TLL1: variants seen among roughly 807,000 people sequenced by gnomAD.
The protein encoded by TLL1 is tolloid-like protein 1.
TLL1 carries 49 observed loss-of-function variants against 128.2 expected under a neutral mutation model. The ratio of observed to expected loss-of-function variants is 0.38; its 90% CI spans 0.30 to 0.48. The LOEUF is 0.48. Ranked by LOEUF, TLL1 falls within the 20% of genes least tolerant of loss-of-function variation. The probability of loss-of-function intolerance (pLI) is 0.96; values close to 1 mark genes in which losing one functional copy is unlikely to be tolerated. For synonymous variants in TLL1, 454 were observed against 418.8 expected, an observed-to-expected ratio of 1.08 and a Z score of -1.03; for missense variants, 1,123 against 1,242.0, an observed-to-expected ratio of 0.90 and a Z score of 1.44.
chr4:166,066,586 A>G (rs1740585285), intron 16 of TLL1, among the ~76,000 whole-genome samples: 1 of 151,694 alleles, frequency 6.6e-6, no homozygotes, highest in Non-Finnish European at 1.5e-5. Context: ...CTGAATTCCA[A>G]TTATGTTTTA....
At position 166,057,189 on chromosome 4, in the gene TLL1, G is replaced by A. The variant is rs1740056048; in HGVS notation, c.1726G>A (p.Asp576Asn). ...GFAANFFKEEDECAKPDRGGC... is the reference protein window; with the variant it reads ...GFAANFFKEENECAKPDRGGC... Reference sequence around the variant, plus strand: ...AACTATGACCATTTTCATAGAGGAAGATGAGTGTGCCAAACCTGACCGTGG... The same window carrying A: ...AACTATGACCATTTTCATAGAGGAAAATGAGTGTGCCAAACCTGACCGTGG... Residue 576 changes from aspartate (D) to asparagine (N), a missense_variant, in exon 14 of 21, where the codon GAT (aspartate) becomes AAT (asparagine). This residue lies in a region of TLL1 where 634 missense variants were observed against 672.4 expected (regional missense o/e 0.94). Coordinates refer to ENST00000061240, the MANE Select transcript of TLL1 (RefSeq NM_012464.5). 2 of 1,613,704 alleles carry A rather than the reference G, an allele frequency of 1.2e-6. No homozygotes were observed. The highest frequency in any genetic ancestry group is 2.7e-5 in the African/African-American group (2 of 74,854).
At chr4:165,889,968 A>C (rs771743495) in intron 1 of TLL1, among the ~76,000 whole-genome samples, 1 of 152,156 alleles carries the variant, frequency 6.6e-6, no homozygotes, top group South Asian at 2.1e-4. Context: ...TAAAGGAAAG[A>C]GGTTTAATTG....
At chr4:165,906,037 A>C (rs77170217) in intron 1 of TLL1, among the ~76,000 whole-genome samples, 1 of 152,108 alleles carries the variant, frequency 6.6e-6, no homozygotes, top group African/African-American at 2.4e-5. Flanking sequence ...TCAGCAAACT[A>C]AGGCCCGATG....
intron 9 of TLL1, among the ~76,000 whole-genome samples, chr4:166,026,365 C>G (rs1018737346): frequency 4.6e-5 from 7 of 150,880 alleles, no homozygotes; most frequent in South Asian, 2.1e-4. Flanking sequence ...TGCACTCCAG[C>G]CTGGGTGACA....
At chr4:166,057,138 C>A in intron 13 of TLL1, 46 bp from the exon 14 acceptor site, 1 of 1,603,458 alleles carries the variant, frequency 6.2e-7, no homozygotes, top group Non-Finnish European at 8.5e-7. Context: ...CATACATACA[C>A]ACATATATAT....
At chr4:166,009,853 C>CAA (rs1409954818) in intron 7 of TLL1, among the ~76,000 whole-genome samples, 1 of 151,150 alleles carries the variant, frequency 6.6e-6, no homozygotes, top group Non-Finnish European at 1.5e-5. Flanking sequence ...AATTTACTGT[C>CAA]CTAACCATTT....
At chr4:166,073,822 T>C (rs1414457674) in intron 16 of TLL1, among the ~76,000 whole-genome samples, 1 of 152,116 alleles carries the variant, frequency 6.6e-6, no homozygotes, top group East Asian at 1.9e-4. Context: ...ATAGAATAAT[T>C]TCTAGGCCAC....
intron 1 of TLL1, among the ~76,000 whole-genome samples, chr4:165,959,524 C>T (rs1276983560): frequency 6.6e-6 from 1 of 152,116 alleles, no homozygotes. Flanking sequence ...TTCCTCCCAA[C>T]AACTAAAGAA....
chr4:166,005,264 A>G (rs575500860), intron 6 of TLL1, among the ~76,000 whole-genome samples: 86 of 151,980 alleles, frequency 5.7e-4, no homozygotes, highest in Admixed American at 1.6e-3. Flanking sequence ...CCTTTGTATG[A>G]TCCTTATTTT....
chr4:165,931,918 G>A (rs979606707), intron 1 of TLL1, among the ~76,000 whole-genome samples: 3 of 152,100 alleles, frequency 2.0e-5, no homozygotes, highest in African/African-American at 7.2e-5. Flanking sequence ...ATGCTAAGTT[G>A]ATTAGCAAGG....
In TLL1 at chr4:166,044,561, C is replaced by T. The variant is rs531395356; in HGVS notation, c.1524+1142C>T. 48 of 804,828 alleles carry T rather than the reference C, an allele frequency of 6.0e-5. No individual in the cohort carries two copies. The South Asian group carries it at 8.7e-4, about 15-fold the overall frequency. The allele number at this position is 804,828 out of a possible 1,614,324, so 49.9% of individuals were successfully genotyped here. A position where few individuals can be genotyped will look rare whatever the true frequency, so the allele number is the denominator to read the frequency against. ...TTTAATCATTATGTTGTATTTTATG[C>T]TCCAGACCATTTTTTTTTTGTACTT... is the stretch of plus-strand genomic sequence containing the variant. On this transcript the variant is annotated intron_variant, in intron 12 of 20. Transcript: ENST00000061240.
intron 14 of TLL1, among the ~76,000 whole-genome samples, chr4:166,057,846 T>C (rs1740103660): frequency 6.6e-6 from 1 of 152,148 alleles, no homozygotes; most frequent in South Asian, 2.1e-4. Flanking sequence ...CAACCATGAT[T>C]CAGTTACCTC....
intron 1 of TLL1, among the ~76,000 whole-genome samples, chr4:165,948,090 G>A (rs1029161018): frequency 6.6e-6 from 1 of 152,140 alleles, no homozygotes; most frequent in Admixed American, 6.5e-5. Context: ...ATCCACAGAG[G>A]AGTTTTCCCA....
intron 1 of TLL1, among the ~76,000 whole-genome samples, chr4:165,913,209 T>C (rs1202215414): frequency 3.3e-5 from 5 of 152,232 alleles, no homozygotes; most frequent in Non-Finnish European, 5.9e-5. Context: ...AATGAAATTA[T>C]TTATGCTTAT....
In TLL1 at chr4:165,978,296, G is replaced by A. The variant is rs571299417; in HGVS notation, c.170-11085G>A. 3.3e-5 allele frequency among the ~76,000 whole-genome samples: 5 copies of A among 151,898 alleles called. 1 individual carries two copies. In the South Asian group the frequency reaches 8.3e-4, roughly 25 times the overall value. On this transcript the variant is annotated intron_variant, in intron 1 of 20. Coordinates refer to ENST00000061240, the MANE Select transcript of TLL1 (RefSeq NM_012464.5). The stretch of plus-strand genomic sequence containing the variant: ...CCAGGTTTTTTTTATTAGTGAGAAA[G>A]AGGAAATATATATACATACAATTCT...
At chr4:165,886,208 G>C (rs1731158512) in intron 1 of TLL1, among the ~76,000 whole-genome samples, 1 of 152,094 alleles carries the variant, frequency 6.6e-6, no homozygotes, top group Non-Finnish European at 1.5e-5. Context: ...AGACTTAGGT[G>C]CAAGTGTTGG....
At chr4:165,982,905 AG>A (rs1736216998) in intron 1 of TLL1, among the ~76,000 whole-genome samples, 2 of 151,840 alleles carry the variant, frequency 1.3e-5, no homozygotes, top group Admixed American at 6.6e-5. Context: ...TACAGGCATA[AG>A]GGAAGAAAAA....
chr4:165,991,759 TAGTTCA>T (rs1224586245), intron 2 of TLL1, among the ~76,000 whole-genome samples: 1 of 152,000 alleles, frequency 6.6e-6, no homozygotes, highest in African/African-American at 2.4e-5. Flanking sequence ...GATTTGTGAA[TAGTTCA>T]AGTTGTCGTC....
At chr4:165,969,506 T>A (rs1735538708) in intron 1 of TLL1, among the ~76,000 whole-genome samples, 1 of 152,140 alleles carries the variant, frequency 6.6e-6, no homozygotes, top group Admixed American at 6.5e-5. Context: ...TGCATATATG[T>A]TGTTTATATT....
Sources: allele counts gnomAD v4.1 joint callset (sites outside exome capture counted in the v4.1 genomes callset), GRCh38; gene constraint gnomAD v4.1.1; regional missense constraint gnomAD v4.1.1; transcripts MANE v1.5; gene names NCBI Gene and HGNC (gene_info 2026-07-23, HGNC 2026-07-21).